RFTN1: variants seen among roughly 807,000 people sequenced by gnomAD.
RFTN1 encodes the protein raftlin.
In RFTN1, 26 loss-of-function variants were observed where a neutral mutation model predicts 46.5. That is an observed-to-expected ratio of 0.56 (90% CI 0.41 to 0.78). The LOEUF (loss-of-function observed/expected upper bound fraction) is 0.78. Among genes scored for constraint, RFTN1 ranks in the 30% least tolerant of loss-of-function variants. RFTN1 has a pLI of 0.00. For missense variants in RFTN1, 693 were observed against 718.7 expected (o/e 0.96, Z 0.41); for synonymous variants, 261 against 284.2 (o/e 0.92, Z 0.82).
Position 16,327,780 on chromosome 3 carries a change from A to G in RFTN1, c.1147-904T>C, listed in dbSNP as rs1228739167. Among the ~76,000 whole-genome samples, 2 of 151,392 alleles carry G rather than the reference A, an allele frequency of 1.3e-5. No homozygotes were observed. The highest frequency in any genetic ancestry group is 1.3e-4 in the Admixed American group (2 of 15,232). On this transcript the variant is annotated intron_variant, in intron 7 of 9. Transcript: ENST00000334133. This position sits in a 1 kb window ranked among gnomAD's most constrained non-coding sequence, Gnocchi z 4.2. ...CCATCTCAAAAAAAAAAACAAAACG[A>G]AAAAAACTTCAGCCCCCTGCTAGCA...
intron 2 of RFTN1, among the ~76,000 whole-genome samples, chr3:16,472,855 C>T (rs1454819064): frequency 6.6e-6 from 1 of 152,150 alleles, no homozygotes; most frequent in Non-Finnish European, 1.5e-5. Context: ...GGCAAGGGGC[C>T]AGTGTGGAGC....
rs1559327928 is a variant in RFTN1 at position 16,404,027 on chromosome 3, TA to T, written c.441+5347del. Among the ~76,000 whole-genome samples the T allele has an allele frequency of 5.0e-3, 76 of 15,174 alleles. 6 individuals carry two copies. The highest frequency in any genetic ancestry group is 0.021 in the African/African-American group (36 of 1,724). The allele number at this position is 15,174 out of a possible 152,430, so 10.0% of individuals were successfully genotyped here. ...TTATATATATATTATATTTTATATA[TA>T]ATATATAATATATATTTTATATATA... On this transcript the variant is annotated intron_variant, in intron 4 of 9. Coordinates refer to ENST00000334133, the MANE Select transcript of RFTN1 (RefSeq NM_015150.2).
In RFTN1 at chr3:16,404,242, T is replaced by C. The variant is rs1387057922; in HGVS notation, c.441+5133A>G. Among the ~76,000 whole-genome samples the C allele has an allele frequency of 7.5e-4, 8 of 10,602 alleles. No homozygotes were observed. The East Asian group carries it at 0.027, about 35-fold the overall frequency. 7.0% of individuals were successfully genotyped at this position (10,602 alleles called of 152,430 possible). ...ATATATATTTTATATATAATATATATTTTATATATAATATATAATATATAA... is the reference window on the plus strand; with the variant it reads ...ATATATATTTTATATATAATATATACTTTATATATAATATATAATATATAA... On this transcript the variant is annotated intron_variant, in intron 4 of 9. Coordinates refer to ENST00000334133, the MANE Select transcript of RFTN1 (RefSeq NM_015150.2).
At chr3:16,432,119 C>T (rs1486128399) in intron 3 of RFTN1, among the ~76,000 whole-genome samples, 1 of 152,206 alleles carries the variant, frequency 6.6e-6, no homozygotes, top group Non-Finnish European at 1.5e-5. Flanking sequence ...ATATAAGCTA[C>T]TGTCATTATA....
chr3:16,427,759 C>G lies in RFTN1; in HGVS notation c.332+6092G>C, dbSNP rs1451884725. 6.6e-6 allele frequency among the ~76,000 whole-genome samples: 1 copy of G among 152,216 alleles called. No homozygotes were observed. The highest frequency in any genetic ancestry group is 1.5e-5 in the Non-Finnish European group (1 of 68,038). ...CTGAGGGGCTCATTACAGCACCACA[C>G]ACAGCCTCCTCCAGGCTTCTCATGC... On this transcript the variant is annotated intron_variant, in intron 3 of 9. Coordinates refer to ENST00000334133, the MANE Select transcript of RFTN1 (RefSeq NM_015150.2). The surrounding 1 kb of genome is among the most constrained non-coding windows in gnomAD (Gnocchi z 5.4).
In RFTN1 at chr3:16,489,577, A is replaced by G. The variant is rs916753539; in HGVS notation, c.145+4148T>C. 6.6e-6 allele frequency among the ~76,000 whole-genome samples: 1 copy of G among 152,196 alleles called. No homozygotes were observed. Among genetic ancestry groups the G allele is most frequent in the African/African-American group, 2.4e-5 (1 of 41,454 alleles). ...ACTTTAAATATGTGCAATGTAGTGT[A>G]CTTCATTTATACCTTGATAAAGCTG... On this transcript the variant is annotated intron_variant, in intron 2 of 9. Coordinates refer to ENST00000334133, the MANE Select transcript of RFTN1 (RefSeq NM_015150.2). This position sits in a 1 kb window ranked among gnomAD's most constrained non-coding sequence, Gnocchi z 4.0.
At chr3:16,417,538 G>C (rs542222802) in intron 3 of RFTN1, among the ~76,000 whole-genome samples, 7 of 152,288 alleles carry the variant, frequency 4.6e-5, no homozygotes, top group Admixed American at 4.6e-4. Context: ...TTCTGTGTCA[G>C]GTTGACCTCA....
intron 1 of RFTN1, among the ~76,000 whole-genome samples, chr3:16,496,602 A>G (rs2076630301): frequency 6.6e-6 from 1 of 152,330 alleles, no homozygotes; most frequent in South Asian, 2.1e-4. Context: ...AAGGATAAGA[A>G]GCAAATGAAA....
chr3:16,432,920 G>T (rs775439444), intron 3 of RFTN1, among the ~76,000 whole-genome samples: 4 of 152,144 alleles, frequency 2.6e-5, no homozygotes, highest in Non-Finnish European at 4.4e-5. Flanking sequence ...TCTTAGACAC[G>T]CAACCTCATG....
intron 2 of RFTN1, among the ~76,000 whole-genome samples, chr3:16,463,172 G>C (rs1275521049): frequency 1.3e-5 from 2 of 152,096 alleles, no homozygotes; most frequent in Non-Finnish European, 2.9e-5. Context: ...ACAACTTCTT[G>C]AATCTATGGG....
In RFTN1 at chr3:16,449,118, A is replaced by G. The variant is rs2075782470; in HGVS notation, c.146-15081T>C. Among the ~76,000 whole-genome samples, 1 of 152,214 alleles carries G rather than the reference A, an allele frequency of 6.6e-6. No homozygotes were observed. The highest frequency in any genetic ancestry group is 6.5e-5 in the Admixed American group (1 of 15,282). On this transcript the variant is annotated intron_variant, in intron 2 of 9. Transcript: ENST00000334133. The surrounding 1 kb of genome is among the most constrained non-coding windows in gnomAD (Gnocchi z 5.1). ...TTGGGGAGTGGAGTGGGAAGGCTTCATGATATCTGAAATCCCCACAAATTC... is the reference window on the plus strand; with the variant it reads ...TTGGGGAGTGGAGTGGGAAGGCTTCGTGATATCTGAAATCCCCACAAATTC...
chr3:16,403,248 G>A (rs2074649977), intron 4 of RFTN1, among the ~76,000 whole-genome samples: 1 of 152,056 alleles, frequency 6.6e-6, no homozygotes, highest in Admixed American at 6.6e-5. Flanking sequence ...AGGTAGCATG[G>A]CCAAGTGCTC....
intron 7 of RFTN1, among the ~76,000 whole-genome samples, chr3:16,357,324 C>T (rs2072520424): frequency 1.3e-5 from 2 of 152,180 alleles, no homozygotes; most frequent in Admixed American, 1.3e-4. Context: ...TCCAAAGTCC[C>T]AGCAGAACGT....
intron 7 of RFTN1, among the ~76,000 whole-genome samples, chr3:16,328,084 C>T (rs955806178): frequency 6.6e-6 from 1 of 152,264 alleles, no homozygotes; most frequent in Non-Finnish European, 1.5e-5. Context: ...TGCAAAGGCA[C>T]AGCCCCGGCC....
intron 2 of RFTN1, among the ~76,000 whole-genome samples, chr3:16,469,129 G>C (rs750843102): frequency 1.4e-4 from 21 of 152,254 alleles, no homozygotes; most frequent in Non-Finnish European, 4.4e-5. Flanking sequence ...GTCTATTGAA[G>C]AAGTCAAGGG....
intron 1 of RFTN1, among the ~76,000 whole-genome samples, chr3:16,505,024 A>T (rs1177252814): frequency 6.6e-6 from 1 of 152,128 alleles, no homozygotes; most frequent in African/African-American, 2.4e-5. Context: ...GGTGGATGCT[A>T]TCCATTCCTC....
intron 2 of RFTN1, among the ~76,000 whole-genome samples, chr3:16,436,964 G>A (rs933795671): frequency 6.6e-6 from 1 of 152,132 alleles, no homozygotes; most frequent in Admixed American, 6.5e-5. Flanking sequence ...AAAAGTCTGT[G>A]GGTATTTTTA....
chr3:16,463,398 G>A (rs555789195), intron 2 of RFTN1, among the ~76,000 whole-genome samples: 3 of 151,858 alleles, frequency 2.0e-5, no homozygotes, highest in East Asian at 1.9e-4. Flanking sequence ...AGCTTAAATC[G>A]TTTCTATTAA....
At chr3:16,487,605 T>C (rs936082779) in intron 2 of RFTN1, among the ~76,000 whole-genome samples, 5 of 152,232 alleles carry the variant, frequency 3.3e-5, no homozygotes, top group African/African-American at 1.2e-4. Flanking sequence ...GCTCCTGTAC[T>C]AGTCAGTGCA....
Sources: gnomAD v4.1 joint callset for allele counts (sites outside exome capture counted in the v4.1 genomes callset) on GRCh38, gnomAD v4.1.1 for gene constraint, Gnocchi (gnomAD v3.1) non-coding constraint, MANE v1.5 for transcripts, NCBI Gene and HGNC (gene_info 2026-07-23, HGNC 2026-07-21) for gene names.